Variants in ADAM10 observed in about 807,000 individuals in gnomAD.
ADAM10 encodes the protein disintegrin and metalloproteinase domain-containing protein 10.
ADAM10 carries 17 observed loss-of-function variants against 90.1 expected under a neutral mutation model. That is an observed-to-expected ratio of 0.19 (90% CI 0.13 to 0.28). The LOEUF is 0.28. ADAM10 is among the 10% of genes least tolerant of loss of function. The pLI is 1.00. For synonymous variants in ADAM10, 310 were observed against 298.6 expected, an observed-to-expected ratio of 1.04 and a Z score of -0.40; for missense variants, 610 against 914.3, an observed-to-expected ratio of 0.67 and a Z score of 4.29.
Position 58,610,982 on chromosome 15 carries a change from GTT to G in ADAM10, c.1804+15_1804+16del. 6.3e-7 allele frequency: 1 copy of G among 1,585,608 alleles called. No homozygotes were observed. ...TTTGAGGCAAATTTTATACTCTTGT[GTT>G]TTTAAAAGCCTTACTTTTCTTCATA... On this transcript the variant is annotated intron_variant, in intron 13 of 15. Transcript: ENST00000260408.
intron 2 of ADAM10, among the ~76,000 whole-genome samples, chr15:58,697,729 C>G (rs1480030410): frequency 6.6e-6 from 1 of 152,158 alleles, no homozygotes; most frequent in Non-Finnish European, 1.5e-5. Flanking sequence ...CCTACCAACA[C>G]CCAAGTAAGC....
chr15:58,667,613 G>A (rs1377994519), intron 4 of ADAM10, among the ~76,000 whole-genome samples: 2 of 152,040 alleles, frequency 1.3e-5, no homozygotes, highest in African/African-American at 4.8e-5. Context: ...GACTTCTATA[G>A]AATAATATTA....
In ADAM10 at chr15:58,610,539, T is replaced by C. The variant is rs199900458; in HGVS notation, c.1805-22A>G. 1.3e-4 allele frequency: 210 copies of C among 1,603,722 alleles called. 5 individuals are homozygous for C. The South Asian group carries it at 1.7e-3, about 13-fold the overall frequency. ...TCCACTGGAAAAGAAATGCCAAATA[T>C]AAGCTGAAGGTCAGATTCAAATATA... is the stretch of plus-strand genomic sequence containing the variant. On this transcript the variant is annotated intron_variant, in intron 13 of 15. Transcript: ENST00000260408.
chr15:58,703,862 C>G (rs1251057509), intron 2 of ADAM10: 1 of 152,776 alleles, frequency 6.5e-6, no homozygotes, highest in Non-Finnish European at 1.5e-5. Context: ...GCCTGCAGAA[C>G]CATGAGGCAA....
rs140416758 is a variant in ADAM10 at position 58,692,714 on chromosome 15, T to C, written c.207-10400A>G. On this transcript the variant is annotated intron_variant, in intron 2 of 15. Transcript: ENST00000260408. Reference sequence around the variant, plus strand: ...TGGTCAACATGTAAAGTGAAGGAACTCCCAGCAGAAGATACCCAGGAATAC... The same window carrying C: ...TGGTCAACATGTAAAGTGAAGGAACCCCCAGCAGAAGATACCCAGGAATAC... 2,015 of 567,658 alleles carry C rather than the reference T, an allele frequency of 3.5e-3. 41 individuals carry two copies. The highest frequency in any genetic ancestry group is 0.033 in the African/African-American group (1,753 of 53,132). The allele number at this position is 567,658 out of a possible 1,614,324, so 35.2% of individuals were successfully genotyped here.
chr15:58,615,933 G>A (rs1397806242), intron 11 of ADAM10, among the ~76,000 whole-genome samples: 3 of 151,898 alleles, frequency 2.0e-5, no homozygotes, highest in Non-Finnish European at 2.9e-5. Context: ...GCTTGAACCC[G>A]GGAGGCGCAG....
chr15:58,644,605 C>G (rs1309390286), intron 6 of ADAM10, among the ~76,000 whole-genome samples: 1 of 152,142 alleles, frequency 6.6e-6, no homozygotes, highest in African/African-American at 2.4e-5. Context: ...ACGTCCATTC[C>G]TTTTCACATA....
chr15:58,618,037 A>G (rs1895670492), intron 11 of ADAM10, among the ~76,000 whole-genome samples: 1 of 152,192 alleles, frequency 6.6e-6, no homozygotes, highest in African/African-American at 2.4e-5. Flanking sequence ...GATAAAGAGA[A>G]AACAATCCTA....
At position 58,649,101 on chromosome 15, in the gene ADAM10, T is replaced by C. The variant is rs533185755; in HGVS notation, c.586-2897A>G. 1.2e-4 allele frequency among the ~76,000 whole-genome samples: 18 copies of C among 152,266 alleles called. No homozygotes were observed. In the South Asian group the frequency reaches 3.1e-3, roughly 26 times the overall value. ...ATTTTGGGGTTTAAATCTCCAATTTTATTATCTTCTATTTGTCCTGCCTGT... is the reference window on the plus strand; with the variant it reads ...ATTTTGGGGTTTAAATCTCCAATTTCATTATCTTCTATTTGTCCTGCCTGT... On this transcript the variant is annotated intron_variant, in intron 5 of 15. Coordinates refer to ENST00000260408, the MANE Select transcript of ADAM10 (RefSeq NM_001110.4).
At position 58,737,977 on chromosome 15, in the gene ADAM10, A is replaced by C. The variant is rs140100606; in HGVS notation, c.55+11503T>G. Reference sequence around the variant, plus strand: ...CCCAAAAAGTTGGCTATACAATCTTAAGAATGGGAGAGGAAAATCTGCAAT... The same window carrying C: ...CCCAAAAAGTTGGCTATACAATCTTCAGAATGGGAGAGGAAAATCTGCAAT... On this transcript the variant is annotated intron_variant, in intron 1 of 15. Transcript: ENST00000260408. 3.5e-3 allele frequency among the ~76,000 whole-genome samples: 535 copies of C among 152,316 alleles called. 5 individuals carry two copies. Among genetic ancestry groups the C allele is most frequent in the African/African-American group, 0.012 (514 of 41,580 alleles).
At chr15:58,730,849 T>TC in intron 1 of ADAM10, among the ~76,000 whole-genome samples, 1 of 152,278 alleles carries the variant, frequency 6.6e-6, no homozygotes, top group East Asian at 1.9e-4. Flanking sequence ...AAATTCTCCC[T>TC]CTCTTTCCCC....
intron 2 of ADAM10, among the ~76,000 whole-genome samples, chr15:58,701,933 C>T (rs1898145824): frequency 6.6e-6 from 1 of 152,026 alleles, no homozygotes; most frequent in African/African-American, 2.4e-5. Context: ...CAGCAAAACC[C>T]CATCTCTACC....
intron 7 of ADAM10, among the ~76,000 whole-genome samples, chr15:58,642,052 A>C (rs1425257723): frequency 2.0e-5 from 3 of 152,224 alleles, no homozygotes; most frequent in Non-Finnish European, 4.4e-5. Context: ...AAACAATTCA[A>C]AAGCAAGCAC....
intron 1 of ADAM10, among the ~76,000 whole-genome samples, chr15:58,727,293 T>C (rs889581136): frequency 1.3e-5 from 2 of 150,002 alleles, no homozygotes; most frequent in Admixed American, 1.3e-4. Flanking sequence ...CAGGTTCAAG[T>C]GATTCTCCTG....
At chr15:58,746,782 T>A (rs143339107) in intron 1 of ADAM10, among the ~76,000 whole-genome samples, 19 of 152,190 alleles carry the variant, frequency 1.2e-4, no homozygotes, top group African/African-American at 4.6e-4. Context: ...AAACATTTTT[T>A]AAAAAAGATG....
At chr15:58,678,535 G>A (rs1897346820) in intron 4 of ADAM10, among the ~76,000 whole-genome samples, 1 of 151,950 alleles carries the variant, frequency 6.6e-6, no homozygotes, top group Non-Finnish European at 1.5e-5. Flanking sequence ...GGATAACTGT[G>A]GATATACGGA....
At chr15:58,680,545 T>A (rs1341934864) in intron 3 of ADAM10, among the ~76,000 whole-genome samples, 1 of 152,234 alleles carries the variant, frequency 6.6e-6, no homozygotes, top group East Asian at 1.9e-4. Context: ...TCAATTACAC[T>A]TCTCCAGTGA....
At chr15:58,665,730 C>T (rs1258226100) in intron 4 of ADAM10, among the ~76,000 whole-genome samples, 1 of 152,048 alleles carries the variant, frequency 6.6e-6, no homozygotes, top group South Asian at 2.1e-4. Context: ...CTCAGTTTTA[C>T]AGTTACGTGA....
intron 3 of ADAM10, among the ~76,000 whole-genome samples, chr15:58,681,754 T>C (rs1184203104): frequency 6.6e-6 from 1 of 152,210 alleles, no homozygotes; most frequent in Non-Finnish European, 1.5e-5. Context: ...AGCAAATAGA[T>C]TCTGAGGAAG....
Sources: gnomAD v4.1 joint callset for allele counts (sites outside exome capture counted in the v4.1 genomes callset) on GRCh38, gnomAD v4.1.1 for gene constraint, MANE v1.5 for transcripts, NCBI Gene and HGNC (gene_info 2026-07-23, HGNC 2026-07-21) for gene names.